LENG8: variants seen among roughly 807,000 people sequenced by gnomAD.
LENG8 encodes the protein leukocyte receptor cluster (LRC) member 8.
In LENG8, 28 loss-of-function variants were observed where a neutral mutation model predicts 102.1. That is an observed-to-expected ratio of 0.27 (90% confidence interval 0.20 to 0.38). LENG8 has a LOEUF of 0.38. LENG8 is among the 10% of genes least tolerant of loss of function. LENG8 has a pLI of 1.00. For synonymous variants in LENG8, 531 were observed against 456.7 expected, an observed-to-expected ratio of 1.16 and a Z score of -2.07; for missense variants, 1,022 against 1,113.9, an observed-to-expected ratio of 0.92 and a Z score of 1.17.
chr19:54,455,846 G>A, intron 8 of LENG8, 121 bp from the exon 9 acceptor site: 1 of 1,116,288 alleles, frequency 9.0e-7, no homozygotes, highest in Non-Finnish European at 1.3e-6. Flanking sequence ...TGTAGTAGCT[G>A]AGCCGCCTGG....
At chr19:54,460,718 T>TTGGGC in intron 15 of LENG8, 48 bp from the exon 16 acceptor site, 4 of 1,048,008 alleles carry the variant, frequency 3.8e-6, no homozygotes, top group Non-Finnish European at 5.1e-6. Flanking sequence ...GGCCCTCCCC[T>TTGGGC]GCCCTCCCGC....
rs2084553995 is a variant in LENG8 at position 54,461,486 on chromosome 19, A to ATC, written c.*558_*559insTC. On this transcript the variant is annotated 3_prime_UTR_variant, in exon 16 of 16. Transcript: ENST00000326764. Reference sequence around the variant, plus strand: ...TGCCCGTCCTCGGCCCCCCACCCTGAAGTGCCAGCACCACCAGCACCAGAT... The same window carrying ATC: ...TGCCCGTCCTCGGCCCCCCACCCTGATCAGTGCCAGCACCACCAGCACCAGAT... The ATC allele has an allele frequency of 2.1e-6, 1 of 465,778 alleles. No homozygotes were observed. The highest frequency in any genetic ancestry group is 6.9e-5 in the East Asian group (1 of 14,394). The allele number at this position is 465,778 out of a possible 1,614,324, so 28.9% of individuals were successfully genotyped here. A position where few individuals can be genotyped will look rare whatever the true frequency, so the allele number is the denominator to read the frequency against.
At chr19:54,455,265 G>A in intron 7 of LENG8, 99 bp from the exon 8 acceptor site, 5 of 1,506,614 alleles carry the variant, frequency 3.3e-6, no homozygotes, top group Non-Finnish European at 4.6e-6. Flanking sequence ...AGGAAAACTT[G>A]GGGACTGCGT....
intron 15 of LENG8, chr19:54,459,147 T>C: frequency 7.8e-7 from 1 of 1,280,352 alleles, no homozygotes; most frequent in Non-Finnish European, 9.9e-7. Flanking sequence ...TGTCTGGTGA[T>C]TGAGGTGCCC....
In LENG8 at chr19:54,456,081, C is replaced by T; in HGVS notation, c.1140C>T (p.Ser380=). 5 of 1,608,754 alleles carry T rather than the reference C, an allele frequency of 3.1e-6. No individual in the cohort carries two copies. Among genetic ancestry groups the T allele is most frequent in the Non-Finnish European group, 3.4e-6 (4 of 1,176,830 alleles). Residue 380 remains serine (S), a synonymous_variant, in exon 9 of 16, where the codon TCC becomes TCT. Coordinates refer to ENST00000326764, the MANE Select transcript of LENG8 (RefSeq NM_052925.4). ...GSATRGGGAP[S]QRGTPGAGGA... ...CGACAAGGGGCGGGGGTGCCCCGTCCCAGCGAGGGACGCCCGGGGCTGGGG... is the reference window on the plus strand; with the variant it reads ...CGACAAGGGGCGGGGGTGCCCCGTCTCAGCGAGGGACGCCCGGGGCTGGGG...
intron 1 of LENG8, among the ~76,000 whole-genome samples, chr19:54,450,285 T>TA (rs2083897589): frequency 6.6e-6 from 1 of 152,014 alleles, no homozygotes; most frequent in African/African-American, 2.4e-5. Context: ...CCCACGTAGG[T>TA]CTCTTTACTG....
At chr19:54,452,562 A>G (rs2084011372) in intron 3 of LENG8, 89 bp from the exon 4 acceptor site, 10 of 1,068,020 alleles carry the variant, frequency 9.4e-6, no homozygotes, top group South Asian at 1.3e-5. Flanking sequence ...TCCCTTGGCA[A>G]TTGGCCACCA....
In LENG8 at chr19:54,457,788, A is replaced by G; in HGVS notation, c.1773A>G (p.Lys591=). The change falls in exon 12 of 16, where the codon AAA becomes AAG. Residue 591 remains lysine (K), a synonymous_variant. Transcript: ENST00000326764. The part of the protein sequence containing the change: ...KSLCMVKCHW[K]EKQDYAFACE... Reference sequence around the variant, plus strand: ...TGTGCATGGTCAAGTGCCACTGGAAAGAGAAGCAGGACTACGCGTTTGCCT... The same window carrying G: ...TGTGCATGGTCAAGTGCCACTGGAAGGAGAAGCAGGACTACGCGTTTGCCT... 6.2e-7 allele frequency: 1 copy of G among 1,614,184 alleles called. No individual in the cohort carries two copies. The highest frequency in any genetic ancestry group is 1.1e-5 in the South Asian group (1 of 91,086).
rs1417607441 is a variant in LENG8 at position 54,461,869 on chromosome 19, T to A, written c.*941T>A. The A allele has an allele frequency of 1.9e-6, 1 of 536,228 alleles. No individual in the cohort carries two copies. The highest frequency in any genetic ancestry group is 2.0e-5 in the African/African-American group (1 of 51,002). The allele number at this position is 536,228 out of a possible 1,614,324, so 33.2% of individuals were successfully genotyped here. ...GCTATGAGTTTGCAAACAGCTGGAC[T>A]GTCAGGCTGCTTTTTTTCCAGATGT... is the stretch of plus-strand genomic sequence containing the variant. On this transcript the variant is annotated 3_prime_UTR_variant, in exon 16 of 16. Coordinates refer to ENST00000326764, the MANE Select transcript of LENG8 (RefSeq NM_052925.4).
chr19:54,453,859 T>C (rs567596735), intron 5 of LENG8, among the ~76,000 whole-genome samples: 3 of 152,284 alleles, frequency 2.0e-5, no homozygotes, highest in South Asian at 4.1e-4. Context: ...GGCTGAGATG[T>C]TGAAAGACAT....
chr19:54,460,593 C>CCG (rs1491147382), intron 15 of LENG8, 173 bp from the exon 16 acceptor site: 2 of 1,413,564 alleles, frequency 1.4e-6, no homozygotes, highest in Non-Finnish European at 1.8e-6. Flanking sequence ...TAACCCCCCC[C>CCG]GGGCCCCCCC....
intron 4 of LENG8, among the ~76,000 whole-genome samples, chr19:54,452,996 G>A (rs2084032986): frequency 6.6e-6 from 1 of 152,114 alleles, no homozygotes; most frequent in Non-Finnish European, 1.5e-5. Context: ...CATGGCCATC[G>A]AAGCAGAGAC....
In LENG8 at chr19:54,451,259, A is replaced by G. The variant is rs942171934; in HGVS notation, c.-55-31A>G. On this transcript the variant is annotated intron_variant, in intron 1 of 15. Coordinates refer to ENST00000326764, the MANE Select transcript of LENG8 (RefSeq NM_052925.4). ...TGTGACGTGTTTTTAGCTCCCCCTTAAGTCTCCCTAACTCATTCTTTTTCT... is the reference window on the plus strand; with the variant it reads ...TGTGACGTGTTTTTAGCTCCCCCTTGAGTCTCCCTAACTCATTCTTTTTCT... 7.7e-5 allele frequency: 108 copies of G among 1,397,202 alleles called. 1 individual carries two copies. The highest frequency in any genetic ancestry group is 1.1e-4 in the Non-Finnish European group (104 of 982,404). 86.6% of individuals were successfully genotyped at this position (1,397,202 alleles called of 1,614,324 possible).
In LENG8 at chr19:54,452,414, A is replaced by C. The variant is rs562172750; in HGVS notation, c.213+147A>C. 8.8e-5 allele frequency: 74 copies of C among 839,834 alleles called. No individual in the cohort carries two copies. In the East Asian group the frequency reaches 2.0e-3, roughly 22 times the overall value. The allele number at this position is 839,834 out of a possible 1,614,324, so 52.0% of individuals were successfully genotyped here. ...GGGTATCTAAATCTGAACGGGAAAA[A>C]GTTCTGTTTCCTTGAGGAAATTAGG... On this transcript the variant is annotated intron_variant, in intron 3 of 15. Transcript: ENST00000326764.
intron 15 of LENG8, 154 bp from the exon 16 acceptor site, chr19:54,460,612 T>TGAGGTGGG: frequency 7.2e-7 from 1 of 1,394,828 alleles, no homozygotes; most frequent in Non-Finnish European, 9.3e-7. Flanking sequence ...CCCGAGCCCC[T>TGAGGTGGG]GAGGTGGGGA....
In LENG8 at chr19:54,461,685, C is replaced by G. The variant is rs1448778504; in HGVS notation, c.*757C>G. ...TTCCCTTGGTTCAGCACAGGTAAAA[C>G]GGTTCCCCTCCCTCCCTGCCTTCAT... On this transcript the variant is annotated 3_prime_UTR_variant, in exon 16 of 16. Transcript: ENST00000326764. The G allele has an allele frequency of 4.2e-6, 2 of 481,918 alleles. No homozygotes were observed. Among genetic ancestry groups the G allele is most frequent in the South Asian group, 3.1e-5 (2 of 64,638 alleles). 29.9% of individuals were successfully genotyped at this position (481,918 alleles called of 1,614,324 possible). A position where few individuals can be genotyped will look rare whatever the true frequency, so the allele number is the denominator to read the frequency against.
In LENG8 at chr19:54,461,185, C is replaced by T. The variant is rs1316752181; in HGVS notation, c.*257C>T. On this transcript the variant is annotated 3_prime_UTR_variant, in exon 16 of 16. Transcript: ENST00000326764. ...GAGGGTTGGGGGCATGGTCTGCAGG[C>T]TCATCTGTGTCCGCCTTTCACTCCA... 9 of 683,582 alleles carry T rather than the reference C, an allele frequency of 1.3e-5. No homozygotes were observed. The East Asian group carries it at 2.2e-4, about 17-fold the overall frequency. The allele number at this position is 683,582 out of a possible 1,614,324, so 42.3% of individuals were successfully genotyped here. A position where few individuals can be genotyped will look rare whatever the true frequency, so the allele number is the denominator to read the frequency against.
rs1162187116 is a variant in LENG8 at position 54,452,630 on chromosome 19, CAT to C, written c.214-20_214-19del. 15 of 1,514,950 alleles carry C rather than the reference CAT, an allele frequency of 9.9e-6. No individual in the cohort carries two copies. The highest frequency in any genetic ancestry group is 2.3e-5 in the African/African-American group (1 of 43,816). The allele number at this position is 1,514,950 out of a possible 1,614,324, so 93.8% of individuals were successfully genotyped here. A position where few individuals can be genotyped will look rare whatever the true frequency, so the allele number is the denominator to read the frequency against. On this transcript the variant is annotated intron_variant, in intron 3 of 15. Coordinates refer to ENST00000326764, the MANE Select transcript of LENG8 (RefSeq NM_052925.4). ...CTGTGGATTTGGGCTGCTGACGGCA[CAT>C]GTGCCTCTGCTTCCACAGTACGTGT...
In LENG8 at chr19:54,460,909, C is replaced by T. The variant is rs375808379; in HGVS notation, c.2384C>T (p.Ala795Val). ...AGCATCGACTGCCGCCTCAGCCTGG[C>T]GCAGCTGTCAGCCTTCTGAGCACCC... is the stretch of plus-strand genomic sequence containing the variant. ...NSSIDCRLSLAQLSAF is the reference protein window; with the variant it reads ...NSSIDCRLSLVQLSAF The change falls in exon 16 of 16, where the codon GCG becomes GTG. Residue 795 changes from alanine (A) to valine (V), a missense_variant. Coordinates refer to ENST00000326764, the MANE Select transcript of LENG8 (RefSeq NM_052925.4). 1.1e-4 allele frequency: 163 copies of T among 1,549,876 alleles called. No homozygotes were observed. The highest frequency in any genetic ancestry group is 1.7e-4 in the Middle Eastern group (1 of 5,998).
Sources: allele counts gnomAD v4.1 joint callset (sites outside exome capture counted in the v4.1 genomes callset), GRCh38; gene constraint gnomAD v4.1.1; transcripts MANE v1.5; gene names NCBI Gene and HGNC (gene_info 2026-07-23, HGNC 2026-07-21).